The following GAREM2 variants were observed in gnomAD, a reference collection of about 807,000 sequenced individuals.
GAREM2 encodes the protein GRB2 associated regulator of MAPK1 subtype 2.
Under a neutral mutation model 55.6 loss-of-function variants are expected in GAREM2, and 30 were observed. The ratio of observed to expected loss-of-function variants is 0.54; its 90% CI spans 0.40 to 0.73. The LOEUF (loss-of-function observed/expected upper bound fraction) is 0.73. Ranked by LOEUF, GAREM2 falls within the 30% of genes least tolerant of loss-of-function variation. The pLI, the probability that GAREM2 is intolerant of heterozygous loss-of-function variation, is 0.00. For missense variants in GAREM2, 1,075 were observed against 1,257.7 expected, an observed-to-expected ratio of 0.85 and a Z score of 2.20; for synonymous variants, 550 against 569.1, an observed-to-expected ratio of 0.97 and a Z score of 0.48.
Position 26,173,159 on chromosome 2 carries a change from G to C in GAREM2, c.-62G>C. 1.8e-6 allele frequency: 1 copy of C among 550,982 alleles called. No individual in the cohort carries two copies. The highest frequency in any genetic ancestry group is 8.3e-5 in the South Asian group (1 of 12,118). The allele number at this position is 550,982 out of a possible 1,614,324, so 34.1% of individuals were successfully genotyped here. A position where few individuals can be genotyped will look rare whatever the true frequency, so the allele number is the denominator to read the frequency against. Reference sequence around the variant, plus strand: ...CCGGGAGGTGGCGGCGGGCGCGAGAGCCTGGGCCGCGCGGGACTGACCGTC... The same window carrying C: ...CCGGGAGGTGGCGGCGGGCGCGAGACCCTGGGCCGCGCGGGACTGACCGTC... On this transcript the variant is annotated 5_prime_UTR_variant, in exon 1 of 6. Coordinates refer to ENST00000401533, the MANE Select transcript of GAREM2 (RefSeq NM_001168241.2).
downstream of GAREM2, among the ~76,000 whole-genome samples, chr2:26,191,811 CTT>C (rs1558313672): frequency 6.6e-6 from 1 of 152,188 alleles, no homozygotes; most frequent in Non-Finnish European, 1.5e-5. Flanking sequence ...TGGAGAGTAA[CTT>C]GCCCTAATTA....
rs1288516583 is a variant in GAREM2 at position 26,185,177 on chromosome 2, G to T, written c.1329G>T (p.Arg443=). ...WAHQGPEGLV[R]PPPGLDLISF... is the part of the protein sequence containing the mutation. Reference sequence around the variant, plus strand: ...ACCAGGGGCCCGAGGGCCTCGTCCGGCCGCCCCCAGGGCTCGATCTCATCT... The same window carrying T: ...ACCAGGGGCCCGAGGGCCTCGTCCGTCCGCCCCCAGGGCTCGATCTCATCT... The change falls in exon 4 of 6, where the codon CGG becomes CGT. Residue 443 remains arginine (R), a synonymous_variant. Coordinates refer to ENST00000401533, the MANE Select transcript of GAREM2 (RefSeq NM_001168241.2). 1.3e-6 allele frequency: 2 copies of T among 1,508,116 alleles called. No homozygotes were observed. Among genetic ancestry groups the T allele is most frequent in the Non-Finnish European group, 1.8e-6 (2 of 1,135,774 alleles). 93.4% of individuals were successfully genotyped at this position (1,508,116 alleles called of 1,614,324 possible).
rs1424671558 is a variant in GAREM2 at position 26,184,429 on chromosome 2, G to C, written c.581G>C (p.Ser194Thr). Residue 194 changes from serine to threonine, a missense_variant, in exon 4 of 6, where the codon AGC becomes ACC. Coordinates refer to ENST00000401533, the MANE Select transcript of GAREM2 (RefSeq NM_001168241.2). ...GGGGTGGGCGGCGGCGGCCCAGCGA[G>C]CGCGGGGGCCGCGGGAGGCACTGGC... ...LAGVGGGGPA[S>T]AGAAGGTGGG... The C allele has an allele frequency of 4.1e-6, 6 of 1,473,270 alleles. No individual in the cohort carries two copies. Among genetic ancestry groups the C allele is most frequent in the Non-Finnish European group, 5.4e-6 (6 of 1,110,930 alleles). 91.3% of individuals were successfully genotyped at this position (1,473,270 alleles called of 1,614,324 possible). A position where few individuals can be genotyped will look rare whatever the true frequency, so the allele number is the denominator to read the frequency against.
At chr2:26,173,365 C>A in intron 1 of GAREM2, 33 bp downstream of exon 1, 2 of 1,238,228 alleles carry the variant, frequency 1.6e-6, no homozygotes, top group South Asian at 3.8e-5. Context: ...GGACCGGGGT[C>A]CGCGGGGAAA....
chr2:26,173,362 G>T, intron 1 of GAREM2, 30 bp downstream of exon 1: 1 of 1,252,636 alleles, frequency 8.0e-7, no homozygotes, highest in Non-Finnish European at 1.0e-6. Context: ...TGGGGACCGG[G>T]GTCCGCGGGG....
chr2:26,185,398 G>C (rs1669217866), intron 4 of GAREM2, 122 bp downstream of exon 4: 2 of 1,359,318 alleles, frequency 1.5e-6, no homozygotes, highest in Non-Finnish European at 1.9e-6. Context: ...TGGGGAAGGG[G>C]AGAAGGAAAG....
chr2:26,185,083 C>T lies in GAREM2; in HGVS notation c.1235C>T (p.Pro412Leu). 6.4e-6 allele frequency: 9 copies of T among 1,400,696 alleles called. No homozygotes were observed. Among genetic ancestry groups the T allele is most frequent in the South Asian group, 1.5e-5 (1 of 66,018 alleles). The allele number at this position is 1,400,696 out of a possible 1,614,324, so 86.8% of individuals were successfully genotyped here. The change falls in exon 4 of 6, where the codon CCC becomes CTC. Residue 412 changes from proline to leucine, a missense_variant. Physicochemically the swap from Pro to Leu is moderately conservative, Grantham distance 98. This residue lies in a region of GAREM2 where 515 missense variants were observed against 501.5 expected (regional missense o/e 1.03). Transcript: ENST00000401533. ...GAGGGCGACCAGGAGTACGTGAGCC[C>T]CGACTGGGCAGCCGCGCCCGAGCCC... is the stretch of plus-strand genomic sequence containing the variant. Reference protein sequence around the residue: ...AGEGDQEYVSPDWAAAPEPAA... With the variant: ...AGEGDQEYVSLDWAAAPEPAA...
chr2:26,201,205 C>T, the GAREM2 span: 1 of 1,613,950 alleles, frequency 6.2e-7, no homozygotes, highest in Non-Finnish European at 8.5e-7. Context: ...AACACAGCTT[C>T]AATCACCATG....
chr2:26,184,881 G>A lies in GAREM2; in HGVS notation c.1033G>A (p.Ala345Thr), dbSNP rs1214160035. The A allele has an allele frequency of 1.0e-5, 15 of 1,461,292 alleles. No homozygotes were observed. Among genetic ancestry groups the A allele is most frequent in the Admixed American group, 7.9e-5 (3 of 37,858 alleles). The allele number at this position is 1,461,292 out of a possible 1,614,324, so 90.5% of individuals were successfully genotyped here. A position where few individuals can be genotyped will look rare whatever the true frequency, so the allele number is the denominator to read the frequency against. The change falls in exon 4 of 6, where the codon GCC becomes ACC. Residue 345 changes from alanine (A) to threonine (T), a missense_variant. Ala to Thr is a moderately conservative substitution (Grantham distance 58). Coordinates refer to ENST00000401533, the MANE Select transcript of GAREM2 (RefSeq NM_001168241.2). ...CGTCGAGCGCCTGGTGCGCGACAGC[G>A]CCTCCTACTGCCGCGAGCGCTTCGA... ...PRVERLVRDS[A>T]SYCRERFDPD...
At position 26,176,344 on chromosome 2, in the gene GAREM2, G is replaced by A. The variant is rs1289970060; in HGVS notation, c.113G>A (p.Gly38Glu). The A allele has an allele frequency of 6.5e-7, 1 of 1,538,584 alleles. No individual in the cohort carries two copies. Among genetic ancestry groups the A allele is most frequent in the South Asian group, 1.2e-5 (1 of 82,200 alleles). The change falls in exon 2 of 6, where the codon GGG becomes GAG. Residue 38 changes from glycine to glutamate, a missense_variant and splice_region_variant. This residue lies in a region of GAREM2 where 230 missense variants were observed against 310.6 expected (regional missense o/e 0.74). Coordinates refer to ENST00000401533, the MANE Select transcript of GAREM2 (RefSeq NM_001168241.2). ...CCTCTGTCCTCCTCCCCCTTCCCAG[G>A]GGAGTACGCCGAGGGCGTCAGTGAG... ...RLPTLACLGP[G>E]EYAEGVSERD...
the GAREM2 span, chr2:26,203,963 G>GAACA: frequency 3.4e-6 from 4 of 1,187,882 alleles, no homozygotes; most frequent in South Asian, 2.4e-5. Context: ...GTGATGGCAA[G>GAACA]AACAAACAAA....
chr2:26,201,304 T>A, the GAREM2 span: 3 of 1,609,348 alleles, frequency 1.9e-6, no homozygotes, highest in South Asian at 3.3e-5. Context: ...GCTTTCTTCT[T>A]CACTTTGTCA....
At chr2:26,186,131 A>T in intron 4 of GAREM2, 58 bp from the exon 5 acceptor site, 1 of 1,425,746 alleles carries the variant, frequency 7.0e-7, no homozygotes, top group Non-Finnish European at 9.3e-7. Context: ...TGGGAAGGGG[A>T]AGATAAGGAG....
In GAREM2 at chr2:26,185,169, C is replaced by T; in HGVS notation, c.1321C>T (p.Leu441Phe). ...ELWAHQGPEG[L>F]VRPPPGLDLI... ...GTGGGCGCACCAGGGGCCCGAGGGC[C>T]TCGTCCGGCCGCCCCCAGGGCTCGA... Residue 441 changes from leucine (L) to phenylalanine (F), a missense_variant, in exon 4 of 6, where the codon CTC (leucine) becomes TTC (phenylalanine). By Grantham distance (22) the Leu-to-Phe change is conservative. Coordinates refer to ENST00000401533, the MANE Select transcript of GAREM2 (RefSeq NM_001168241.2). 1.3e-6 allele frequency: 2 copies of T among 1,507,510 alleles called. No homozygotes were observed. Among genetic ancestry groups the T allele is most frequent in the Non-Finnish European group, 1.8e-6 (2 of 1,135,454 alleles). The allele number at this position is 1,507,510 out of a possible 1,614,324, so 93.4% of individuals were successfully genotyped here.
chr2:26,194,701 A>T, the GAREM2 span: 1 of 1,042,868 alleles, frequency 9.6e-7, no homozygotes. Flanking sequence ...GAAACACTCT[A>T]CCTTTCCCAG....
At chr2:26,202,839 A>T in the GAREM2 span, among the ~76,000 whole-genome samples, 1 of 152,392 alleles carries the variant, frequency 6.6e-6, no homozygotes, top group East Asian at 1.9e-4. Flanking sequence ...ACTTGTCAGC[A>T]TTCAAAACAT....
the GAREM2 span, among the ~76,000 whole-genome samples, chr2:26,201,953 C>T: frequency 7.6e-6 from 1 of 131,322 alleles, no homozygotes; most frequent in African/African-American, 3.0e-5. Context: ...CACCACCACG[C>T]CTGGCTAATT....
In GAREM2 at chr2:26,187,346, G is replaced by T. The variant is rs1045992415; in HGVS notation, c.1714G>T (p.Gly572Cys). 3 of 1,542,622 alleles carry T rather than the reference G, an allele frequency of 1.9e-6. No homozygotes were observed. The highest frequency in any genetic ancestry group is 2.4e-5 in the South Asian group (2 of 82,880). Residue 572 changes from glycine (G) to cysteine (C), a missense_variant, in exon 6 of 6, where the codon GGT becomes TGT. Gly to Cys is a radical substitution (Grantham distance 159). This residue lies in a region of GAREM2 where 515 missense variants were observed against 501.5 expected (regional missense o/e 1.03). Coordinates refer to ENST00000401533, the MANE Select transcript of GAREM2 (RefSeq NM_001168241.2). Reference sequence around the variant, plus strand: ...CGAGTCCTCTAGCCGCCCAGCCCCCGGTCCCCTACCCTCAACCACACAGCC... The same window carrying T: ...CGAGTCCTCTAGCCGCCCAGCCCCCTGTCCCCTACCCTCAACCACACAGCC... ...VGESSSRPAPGPLPSTTQPSQ... is the reference protein window; with the variant it reads ...VGESSSRPAPCPLPSTTQPSQ...
chr2:26,201,368 G>T, the GAREM2 span: 1 of 1,327,810 alleles, frequency 7.5e-7, no homozygotes, highest in Non-Finnish European at 1.1e-6. Context: ...GGAAACTAAC[G>T]TTTATTGAAT....
Sources: allele counts gnomAD v4.1 joint callset (sites outside exome capture counted in the v4.1 genomes callset), GRCh38; gene constraint gnomAD v4.1.1; regional missense constraint gnomAD v4.1.1; transcripts MANE v1.5; gene names NCBI Gene and HGNC (gene_info 2026-07-23, HGNC 2026-07-21).